The following C8orf34 variants were observed in gnomAD, a reference collection of about 807,000 sequenced individuals.
C8orf34 encodes chromosome 8 open reading frame 34, also known as uncharacterized protein C8orf34.
C8orf34 carries 65 observed loss-of-function variants against 68.3 expected under a neutral mutation model. That is an observed-to-expected ratio of 0.95 (90% confidence interval 0.78 to 1.17). The LOEUF (loss-of-function observed/expected upper bound fraction) is 1.17. C8orf34 is among the 50% of genes most tolerant of loss of function. C8orf34 has a pLI of 0.00. For synonymous variants in C8orf34, 244 were observed against 241.2 expected (o/e 1.01, Z -0.11); for missense variants, 664 against 655.4 (o/e 1.01, Z -0.14).
intron 7 of C8orf34, among the ~76,000 whole-genome samples, chr8:68,618,162 G>A (rs1818282804): frequency 6.6e-6 from 1 of 151,926 alleles, no homozygotes; most frequent in Non-Finnish European, 1.5e-5. Context: ...TAAACTCATG[G>A]TCTCTCTCTT....
At chr8:68,448,704 A>G (rs1811220804) in intron 3 of C8orf34, among the ~76,000 whole-genome samples, 1 of 152,160 alleles carries the variant, frequency 6.6e-6, no homozygotes, top group Non-Finnish European at 1.5e-5. Context: ...GCCCACAATT[A>G]TAGTAAATAT....
chr8:68,815,775 T>C (rs1487069374), intron 12 of C8orf34, 111 bp from the exon 13 acceptor site: 2 of 1,557,212 alleles, frequency 1.3e-6, no homozygotes, highest in Non-Finnish European at 1.8e-6. Flanking sequence ...GTAGTTTTAA[T>C]ATTAATTTCA....
chr8:68,698,843 T>C lies in C8orf34; in HGVS notation c.1242-10151T>C, dbSNP rs1820908624. 2.0e-5 allele frequency among the ~76,000 whole-genome samples: 3 copies of C among 151,982 alleles called. No individual in the cohort carries two copies. The South Asian group carries it at 6.2e-4, about 32-fold the overall frequency. Reference sequence around the variant, plus strand: ...AAGAAAATTTAGTGTTCAGCAAAAATTCAATACCCAGCAAGTTAGAGAAAG... The same window carrying C: ...AAGAAAATTTAGTGTTCAGCAAAAACTCAATACCCAGCAAGTTAGAGAAAG... On this transcript the variant is annotated intron_variant, in intron 8 of 13. Coordinates refer to ENST00000518698, the MANE Select transcript of C8orf34 (RefSeq NM_052958.4).
At chr8:68,629,776 T>C (rs1308865206) in intron 7 of C8orf34, among the ~76,000 whole-genome samples, 1 of 152,062 alleles carries the variant, frequency 6.6e-6, no homozygotes, top group African/African-American at 2.4e-5. Flanking sequence ...TATATGTGTC[T>C]GTATGTAAAT....
rs1031576812 is a variant in C8orf34 at position 68,795,084 on chromosome 8, A to C, written c.1549+7548A>C. On this transcript the variant is annotated intron_variant, in intron 12 of 13. Coordinates refer to ENST00000518698, the MANE Select transcript of C8orf34 (RefSeq NM_052958.4). Reference sequence around the variant, plus strand: ...TATTTTTTCCATTATGACTGTTAAAATCTGCTGTTGAGCCCTTCTAGTGGA... The same window carrying C: ...TATTTTTTCCATTATGACTGTTAAACTCTGCTGTTGAGCCCTTCTAGTGGA... Among the ~76,000 whole-genome samples, 10 of 152,244 alleles carry C rather than the reference A, an allele frequency of 6.6e-5. 1 individual carries two copies. The Middle Eastern group carries it at 0.014, about 207-fold the overall frequency.
chr8:68,418,508 T>C (rs908659613), intron 1 of C8orf34, among the ~76,000 whole-genome samples: 3 of 152,000 alleles, frequency 2.0e-5, no homozygotes, highest in East Asian at 1.9e-4. Flanking sequence ...GCATGAAGGG[T>C]TGTTGAATTT....
At chr8:68,389,894 G>A (rs1808410451) in intron 1 of C8orf34, among the ~76,000 whole-genome samples, 1 of 152,022 alleles carries the variant, frequency 6.6e-6, no homozygotes, top group South Asian at 2.1e-4. Context: ...ATTATGTTTA[G>A]GCTTACATAA....
intron 4 of C8orf34, among the ~76,000 whole-genome samples, chr8:68,485,917 A>G (rs1813060714): frequency 1.3e-5 from 2 of 151,884 alleles, no homozygotes; most frequent in South Asian, 4.1e-4. Context: ...AAAATTTTAT[A>G]TTTAAGATAT....
chr8:68,666,184 T>C (rs1343455987), intron 8 of C8orf34, among the ~76,000 whole-genome samples: 2 of 152,148 alleles, frequency 1.3e-5, no homozygotes, highest in Non-Finnish European at 2.9e-5. Flanking sequence ...CCAGGAAGTC[T>C]TGCTCCAGAA....
At chr8:68,500,176 G>A (rs1216929501) in intron 5 of C8orf34, among the ~76,000 whole-genome samples, 2 of 152,072 alleles carry the variant, frequency 1.3e-5, no homozygotes, top group African/African-American at 4.8e-5. Flanking sequence ...CCTAGACTCA[G>A]GTATACCTTT....
At chr8:68,732,701 T>C (rs1201552101) in intron 10 of C8orf34, among the ~76,000 whole-genome samples, 8 of 152,252 alleles carry the variant, frequency 5.3e-5, no homozygotes, top group Admixed American at 4.6e-4. Flanking sequence ...CTTCACATTT[T>C]CCTCTTGGAA....
chr8:68,425,930 T>A (rs935415595), intron 1 of C8orf34, among the ~76,000 whole-genome samples: 2 of 152,178 alleles, frequency 1.3e-5, no homozygotes, highest in Non-Finnish European at 2.9e-5. Context: ...GAAAGGATAC[T>A]CTTCTGCATA....
At chr8:68,397,957 C>T (rs554567229) in intron 1 of C8orf34, among the ~76,000 whole-genome samples, 10 of 151,892 alleles carry the variant, frequency 6.6e-5, no homozygotes, top group East Asian at 1.9e-4. Flanking sequence ...TCAGTAGAGA[C>T]GGGGTTTTAC....
chr8:68,542,315 T>C (rs1197754185), intron 7 of C8orf34, among the ~76,000 whole-genome samples: 7 of 152,206 alleles, frequency 4.6e-5, no homozygotes, highest in African/African-American at 1.7e-4. Flanking sequence ...CTTCTCACAA[T>C]ACAGAGAATC....
chr8:68,438,475 G>A (rs1399115899), intron 1 of C8orf34: 1 of 152,112 alleles, frequency 6.6e-6, no homozygotes, highest in Non-Finnish European at 1.5e-5. Context: ...AACAAAAAAA[G>A]ATGCACTGGG....
chr8:68,613,413 A>T (rs1215425713), intron 7 of C8orf34, among the ~76,000 whole-genome samples: 8 of 151,830 alleles, frequency 5.3e-5, no homozygotes, highest in African/African-American at 1.9e-4. Flanking sequence ...ATTTAGCATT[A>T]GGTATATCTC....
chr8:68,449,977 A>G (rs1168282757), intron 3 of C8orf34, among the ~76,000 whole-genome samples: 1 of 152,174 alleles, frequency 6.6e-6, no homozygotes, highest in Non-Finnish European at 1.5e-5. Context: ...AATTGGAGTC[A>G]ATCCTCTTAA....
At chr8:68,460,512 C>T (rs947677453) in intron 3 of C8orf34, among the ~76,000 whole-genome samples, 1 of 152,162 alleles carries the variant, frequency 6.6e-6, no homozygotes, top group African/African-American at 2.4e-5. Flanking sequence ...TGACCCCTGA[C>T]CCCTGAGCAG....
Position 68,388,993 on chromosome 8 carries a change from G to T in C8orf34, c.328-50506G>T, listed in dbSNP as rs76480660. ...CTGCAACTCTTTTGTATTGTCAGTTGATGAAGAATGTGTGCAAAAATATGG... is the reference window on the plus strand; with the variant it reads ...CTGCAACTCTTTTGTATTGTCAGTTTATGAAGAATGTGTGCAAAAATATGG... On this transcript the variant is annotated intron_variant, in intron 1 of 13. Coordinates refer to ENST00000518698, the MANE Select transcript of C8orf34 (RefSeq NM_052958.4). 4.9e-3 allele frequency among the ~76,000 whole-genome samples: 739 copies of T among 152,270 alleles called. 6 individuals are homozygous for T. Among genetic ancestry groups the T allele is most frequent in the African/African-American group, 0.017 (693 of 41,548 alleles).
Sources: gnomAD v4.1 joint callset for allele counts (sites outside exome capture counted in the v4.1 genomes callset) on GRCh38, gnomAD v4.1.1 for gene constraint, MANE v1.5 for transcripts, NCBI Gene and HGNC (gene_info 2026-07-23, HGNC 2026-07-21) for gene names.